The following AMBRA1 variants were observed in gnomAD, a reference collection of about 807,000 sequenced individuals.
AMBRA1 encodes activating molecule in BECN1-regulated autophagy protein 1.
AMBRA1 carries 47 observed loss-of-function variants against 125.4 expected under a neutral mutation model. The ratio of observed to expected loss-of-function variants is 0.37; its 90% confidence interval spans 0.30 to 0.48. The LOEUF is 0.48. Among genes scored for constraint, AMBRA1 ranks in the 20% least tolerant of loss-of-function variants. The pLI, the probability that AMBRA1 is intolerant of heterozygous loss-of-function variation, is 0.99. For missense variants in AMBRA1, 1,331 were observed against 1,693.4 expected (o/e 0.79, Z 3.76); for synonymous variants, 626 against 655.5 (o/e 0.95, Z 0.69).
At chr11:46,580,491 TC>T (rs962349094) in intron 1 of AMBRA1, among the ~76,000 whole-genome samples, 1 of 152,150 alleles carries the variant, frequency 6.6e-6, no homozygotes, top group Admixed American at 6.6e-5. Flanking sequence ...CCAAATCTGC[TC>T]CTCCTCCAAT....
At chr11:46,576,099 A>G (rs2043952649) in intron 1 of AMBRA1, among the ~76,000 whole-genome samples, 1 of 152,178 alleles carries the variant, frequency 6.6e-6, no homozygotes, top group African/African-American at 2.4e-5. Context: ...GAAGAATCAT[A>G]ACAGTAGATT....
chr11:46,570,755 A>G lies in AMBRA1; in HGVS notation c.-120-22255T>C, dbSNP rs570846126. Among the ~76,000 whole-genome samples the G allele has an allele frequency of 3.7e-4, 56 of 152,272 alleles. 1 individual carries two copies. The South Asian group carries it at 5.2e-3, about 14-fold the overall frequency. On this transcript the variant is annotated intron_variant, in intron 1 of 17. Coordinates refer to ENST00000683756, the MANE Select transcript of AMBRA1 (RefSeq NM_001387011.1). ...AGGTTTTTCTATATTAACACATGACAACAGAAAAAATTCAAGACAGTTAAC... is the reference window on the plus strand; with the variant it reads ...AGGTTTTTCTATATTAACACATGACGACAGAAAAAATTCAAGACAGTTAAC...
intron 8 of AMBRA1, 138 bp from the exon 9 acceptor site, chr11:46,508,508 T>C: frequency 3.7e-6 from 3 of 810,230 alleles, no homozygotes; most frequent in Non-Finnish European, 5.8e-6. Context: ...GGCATTTAAC[T>C]CAACTCACCA....
intron 1 of AMBRA1, among the ~76,000 whole-genome samples, chr11:46,561,609 C>T (rs1013328147): frequency 2.6e-5 from 4 of 152,144 alleles, no homozygotes; most frequent in Admixed American, 6.5e-5. Flanking sequence ...CACTCCCAGT[C>T]CTTGCTTGGC....
intron 12 of AMBRA1, among the ~76,000 whole-genome samples, chr11:46,438,454 T>C (rs1476625561): frequency 6.6e-6 from 1 of 152,228 alleles, no homozygotes; most frequent in Non-Finnish European, 1.5e-5. Context: ...AAAGATCGAT[T>C]TGTAGCCTGT....
chr11:46,531,232 G>C (rs906857885), intron 7 of AMBRA1, among the ~76,000 whole-genome samples: 1 of 152,016 alleles, frequency 6.6e-6, no homozygotes, highest in African/African-American at 2.4e-5. Flanking sequence ...TACTACAACA[G>C]CAAAGTTGAG....
intron 8 of AMBRA1, among the ~76,000 whole-genome samples, chr11:46,509,074 T>C (rs911699118): frequency 6.6e-6 from 1 of 152,362 alleles, no homozygotes; most frequent in Admixed American, 6.5e-5. Context: ...AAGAGATTTT[T>C]TTCTATTTCT....
intron 14 of AMBRA1, chr11:46,429,080 T>C: frequency 6.2e-7 from 1 of 1,609,826 alleles, no homozygotes; most frequent in Non-Finnish European, 8.5e-7. Context: ...GACATCCTTC[T>C]TGGCCACCAT....
At chr11:46,505,035 G>GAT (rs1950981387) in intron 9 of AMBRA1, among the ~76,000 whole-genome samples, 1 of 152,206 alleles carries the variant, frequency 6.6e-6, no homozygotes, top group African/African-American at 2.4e-5. Context: ...TCATCAAAGT[G>GAT]AGGTAGCAAA....
intron 1 of AMBRA1, among the ~76,000 whole-genome samples, chr11:46,579,714 T>C (rs1356445823): frequency 1.3e-5 from 2 of 151,732 alleles, no homozygotes; most frequent in Non-Finnish European, 2.9e-5. Flanking sequence ...CAGACATGTT[T>C]TGTTTTGTTT....
chr11:46,543,115 C>T lies in AMBRA1; in HGVS notation c.902G>A (p.Cys301Tyr). The T allele has an allele frequency of 6.3e-7, 1 of 1,576,202 alleles. No homozygotes were observed. The highest frequency in any genetic ancestry group is 8.6e-7 in the Non-Finnish European group (1 of 1,167,516). ...RQRVSYPTAE[C>Y]CQHLGILCLC... ...GCACAGGATCCCAAGGTGCTGGCAGCACTCAGCTGTGGGGTAACTGACCCG... is the reference window on the plus strand; with the variant it reads ...GCACAGGATCCCAAGGTGCTGGCAGTACTCAGCTGTGGGGTAACTGACCCG... The change falls in exon 7 of 18, where the codon TGC becomes TAC. Residue 301 changes from cysteine (C) to tyrosine (Y), a missense_variant. Physicochemically the swap from Cys to Tyr is radical, Grantham distance 194. Transcript: ENST00000683756.
intron 9 of AMBRA1, among the ~76,000 whole-genome samples, chr11:46,507,063 G>C (rs1489311457): frequency 6.7e-6 from 1 of 148,270 alleles, no homozygotes; most frequent in Non-Finnish European, 1.5e-5. Flanking sequence ...TGTAGTCCCA[G>C]CTACTCCGGA....
At chr11:46,582,132 T>C (rs2044197253) in intron 1 of AMBRA1, among the ~76,000 whole-genome samples, 2 of 151,050 alleles carry the variant, frequency 1.3e-5, no homozygotes, top group Admixed American at 6.6e-5. Context: ...AAAAAAAAAT[T>C]CGAAAGCCTT....
At chr11:46,558,570 A>G (rs1186163896) in intron 1 of AMBRA1, among the ~76,000 whole-genome samples, 3 of 150,988 alleles carry the variant, frequency 2.0e-5, no homozygotes, top group Non-Finnish European at 4.4e-5. Flanking sequence ...AAAAAAAAAA[A>G]AAAACCACTA....
intron 12 of AMBRA1, among the ~76,000 whole-genome samples, chr11:46,441,213 G>A (rs927925243): frequency 2.0e-4 from 31 of 152,260 alleles, no homozygotes; most frequent in Admixed American, 5.9e-4. Flanking sequence ...ATCTGTTTTC[G>A]TTATTAAAAG....
chr11:46,505,112 C>A (rs1281344068), intron 9 of AMBRA1, among the ~76,000 whole-genome samples: 1 of 152,144 alleles, frequency 6.6e-6, no homozygotes, highest in Non-Finnish European at 1.5e-5. Flanking sequence ...TAATGGTAAC[C>A]TAATTGTTAG....
At chr11:46,534,424 G>A (rs1269447401) in intron 7 of AMBRA1, among the ~76,000 whole-genome samples, 2 of 152,066 alleles carry the variant, frequency 1.3e-5, no homozygotes, top group African/African-American at 4.8e-5. Flanking sequence ...GAACCCGGGA[G>A]GCGGAGGTTA....
At chr11:46,483,569 A>T (rs1794224390) in intron 11 of AMBRA1, among the ~76,000 whole-genome samples, 1 of 152,160 alleles carries the variant, frequency 6.6e-6, no homozygotes, top group African/African-American at 2.4e-5. Context: ...GGAAAAGGAA[A>T]CGAGAAAGAA....
chr11:46,511,720 G>A (rs1684199231), intron 8 of AMBRA1, among the ~76,000 whole-genome samples: 1 of 152,156 alleles, frequency 6.6e-6, no homozygotes, highest in Non-Finnish European at 1.5e-5. Flanking sequence ...AACCCCAAGG[G>A]GCTGCTCTCT....
Sources: allele counts gnomAD v4.1 joint callset (sites outside exome capture counted in the v4.1 genomes callset), GRCh38; gene constraint gnomAD v4.1.1; transcripts MANE v1.5; gene names NCBI Gene and HGNC (gene_info 2026-07-23, HGNC 2026-07-21).